The following ANK2 variants were observed in gnomAD, a reference collection of about 807,000 sequenced individuals.
ANK2 encodes the protein ankyrin-2.
In ANK2, 83 loss-of-function variants were observed where a neutral mutation model predicts 360.5. That is an observed-to-expected ratio of 0.23 (90% confidence interval 0.19 to 0.28). The LOEUF (loss-of-function observed/expected upper bound fraction) is 0.28, where lower values mean the gene tolerates loss of function less well. ANK2 is among the 10% of genes least tolerant of loss of function. The pLI is 1.00. For missense variants in ANK2, 4,201 were observed against 4,795.7 expected, an observed-to-expected ratio of 0.88 and a Z score of 3.66; for synonymous variants, 1,740 against 1,759.5, an observed-to-expected ratio of 0.99 and a Z score of 0.28.
chr4:112,932,184 G>A (rs1397920257), intron 2 of ANK2, among the ~76,000 whole-genome samples: 1 of 151,974 alleles, frequency 6.6e-6, no homozygotes, highest in African/African-American at 2.4e-5. Context: ...GTGAAACCCC[G>A]TTTCTACTAA....
intron 1 of ANK2, among the ~76,000 whole-genome samples, chr4:112,888,920 C>T (rs2079148562): frequency 1.3e-5 from 2 of 152,100 alleles, no homozygotes; most frequent in South Asian, 4.1e-4. Flanking sequence ...GTACACAGAA[C>T]CTTGTTAACT....
chr4:112,788,723 G>C, the ANK2 span: 2 of 1,593,586 alleles, frequency 1.3e-6, no homozygotes, highest in African/African-American at 2.7e-5. Flanking sequence ...TCACAAAGCG[G>C]GTGAGGTCTC....
intron 2 of ANK2, among the ~76,000 whole-genome samples, chr4:113,192,141 G>C (rs532524882): frequency 4.6e-5 from 7 of 152,286 alleles, no homozygotes; most frequent in Non-Finnish European, 8.8e-5. Context: ...GTATACGTGT[G>C]CTATGGTGGT....
chr4:113,276,766 G>T (rs2153695374), intron 15 of ANK2, among the ~76,000 whole-genome samples: 1 of 152,244 alleles, frequency 6.6e-6, no homozygotes, highest in East Asian at 1.9e-4. Flanking sequence ...AAAATAATTT[G>T]TCTGGAGACA....
At chr4:113,366,464 G>GTGAA (rs2096542287) in intron 41 of ANK2, among the ~76,000 whole-genome samples, 1 of 132,588 alleles carries the variant, frequency 7.5e-6, no homozygotes, top group Non-Finnish European at 1.5e-5. Context: ...TCTCATGGAT[G>GTGAA]TGAATGATGA....
rs1201168991 is a variant in ANK2 at position 113,109,009 on chromosome 4, C to T, written c.84+59197C>T. ...AGAAAAGAGTATATCTTTCTGAAGTCCCGTAGTACATATTGTTTCTGCCAT... is the reference window on the plus strand; with the variant it reads ...AGAAAAGAGTATATCTTTCTGAAGTTCCGTAGTACATATTGTTTCTGCCAT... On this transcript the variant is annotated intron_variant, in intron 1 of 45. Coordinates refer to ENST00000357077, the MANE Select transcript of ANK2 (RefSeq NM_001148.6). 2.0e-5 allele frequency among the ~76,000 whole-genome samples: 3 copies of T among 151,958 alleles called. No individual in the cohort carries two copies. In the South Asian group the frequency reaches 6.2e-4, roughly 32 times the overall value.
At chr4:113,283,756 A>G (rs1283641621) in intron 18 of ANK2, among the ~76,000 whole-genome samples, 3 of 152,144 alleles carry the variant, frequency 2.0e-5, no homozygotes, top group African/African-American at 7.2e-5. Context: ...CTGTCATTTG[A>G]TGTCTTGATG....
At chr4:112,921,314 T>C (rs183176880) in intron 2 of ANK2, among the ~76,000 whole-genome samples, 92 of 151,980 alleles carry the variant, frequency 6.1e-4, no homozygotes, top group African/African-American at 2.2e-3. Flanking sequence ...CGTGAGCCAC[T>C]GCACCCGGCT....
the ANK2 span, among the ~76,000 whole-genome samples, chr4:112,784,350 A>ATTTT: frequency 8.6e-5 from 6 of 69,550 alleles, no homozygotes; most frequent in Non-Finnish European, 1.1e-4. Context: ...ACCCTGACTG[A>ATTTT]TTTTTTTTTT....
intron 2 of ANK2, among the ~76,000 whole-genome samples, chr4:113,033,322 A>G (rs1032712083): frequency 1.4e-4 from 21 of 152,024 alleles, no homozygotes; most frequent in African/African-American, 4.8e-4. Context: ...TAAGTTGCCC[A>G]TGGTTATAAT....
At chr4:113,031,625 A>G (rs1315543369) in intron 2 of ANK2, 3 of 137,364 alleles carry the variant, frequency 2.2e-5, no homozygotes, top group South Asian at 2.3e-4. Flanking sequence ...GTTATCACTG[A>G]TGAAACCTTA....
chr4:112,859,913 G>C (rs1180987275), intron 1 of ANK2, among the ~76,000 whole-genome samples: 2 of 152,170 alleles, frequency 1.3e-5, no homozygotes, highest in African/African-American at 2.4e-5. Context: ...ATGTTTGTTG[G>C]CTTTCTAACT....
chr4:113,212,912 A>C (rs1315042107), intron 4 of ANK2, among the ~76,000 whole-genome samples: 1 of 152,208 alleles, frequency 6.6e-6, no homozygotes, highest in African/African-American at 2.4e-5. Context: ...AGTTTGTGTG[A>C]CTGGCTTGTT....
chr4:113,292,265 G>T, intron 20 of ANK2, 151 bp from the exon 21 acceptor site: 1 of 748,328 alleles, frequency 1.3e-6, no homozygotes. Flanking sequence ...AGTGTTTGCT[G>T]CTGAGAAATG....
chr4:112,837,080 G>A (rs1185355640), intron 1 of ANK2, among the ~76,000 whole-genome samples: 1 of 152,190 alleles, frequency 6.6e-6, no homozygotes. Context: ...AGGTGCAGAG[G>A]TCTAGGAGGA....
At chr4:112,918,717 A>T (rs559216961) in intron 2 of ANK2, among the ~76,000 whole-genome samples, 18 of 152,210 alleles carry the variant, frequency 1.2e-4, no homozygotes, top group Non-Finnish European at 1.6e-4. Flanking sequence ...CAGAATGAAT[A>T]GTTTTGGATT....
intron 20 of ANK2, among the ~76,000 whole-genome samples, chr4:113,288,815 C>A (rs1258920143): frequency 6.6e-6 from 1 of 152,032 alleles, no homozygotes; most frequent in Admixed American, 6.6e-5. Flanking sequence ...TGGCTTGGCC[C>A]CCCTCCCCTG....
the ANK2 span, among the ~76,000 whole-genome samples, chr4:112,720,443 C>A: frequency 1.3e-5 from 2 of 152,184 alleles, no homozygotes; most frequent in South Asian, 4.1e-4. Context: ...AAGTTCAGGA[C>A]CACATTGGGT....
chr4:113,241,586 C>A (rs1380115889), intron 8 of ANK2, among the ~76,000 whole-genome samples: 1 of 152,184 alleles, frequency 6.6e-6, no homozygotes, highest in African/African-American at 2.4e-5. Context: ...GCAATCCTCC[C>A]ACCTCAACTT....
Sources: allele counts gnomAD v4.1 joint callset (sites outside exome capture counted in the v4.1 genomes callset), GRCh38; gene constraint gnomAD v4.1.1; transcripts MANE v1.5; gene names NCBI Gene and HGNC (gene_info 2026-07-23, HGNC 2026-07-21).